Variants in DOCK2 observed in about 807,000 individuals in gnomAD.
DOCK2 encodes dedicator of cytokinesis protein 2.
A neutral mutation model predicts 248.9 loss-of-function variants in DOCK2; 87 were observed. The ratio of observed to expected loss-of-function variants is 0.35; its 90% confidence interval spans 0.29 to 0.42. The LOEUF (loss-of-function observed/expected upper bound fraction) is 0.42. DOCK2 is among the 10% of genes least tolerant of loss of function. The pLI, the probability that DOCK2 is intolerant of heterozygous loss-of-function variation, is 1.00. For synonymous variants in DOCK2, 805 were observed against 821.6 expected (o/e 0.98, Z 0.35); for missense variants, 1,747 against 2,300.2 (o/e 0.76, Z 4.92).
In DOCK2 at chr5:169,754,458, T is replaced by C. The variant is rs1764079937; in HGVS notation, c.2377-5247T>C. On this transcript the variant is annotated intron_variant, in intron 23 of 51. Coordinates refer to ENST00000520908, the MANE Select transcript of DOCK2 (RefSeq NM_004946.3). ...CCACATGATCACCTAATTAGCAAGA[T>C]AGCATTTTCCTGTTGGCCATTCTTG... Among the ~76,000 whole-genome samples, 3 of 152,170 alleles carry C rather than the reference T, an allele frequency of 2.0e-5. 1 individual carries two copies. The highest frequency in any genetic ancestry group is 4.1e-4 in the South Asian group (2 of 4,828).
intron 27 of DOCK2, among the ~76,000 whole-genome samples, chr5:169,845,479 G>T (rs1237778530): frequency 6.6e-6 from 1 of 152,154 alleles, no homozygotes; most frequent in Non-Finnish European, 1.5e-5. Context: ...CGTGCAGTGG[G>T]TACCCAAGTT....
chr5:169,857,875 A>G (rs543437746), intron 27 of DOCK2, among the ~76,000 whole-genome samples: 22 of 152,354 alleles, frequency 1.4e-4, no homozygotes, highest in African/African-American at 4.8e-4. Context: ...TCTCAATTAA[A>G]AAGATAAGTA....
At chr5:170,073,695 T>C (rs1420325782) in intron 46 of DOCK2, among the ~76,000 whole-genome samples, 2 of 152,214 alleles carry the variant, frequency 1.3e-5, no homozygotes, top group Non-Finnish European at 2.9e-5. Context: ...TTAAATTCTA[T>C]TGTAAATGGT....
chr5:169,692,809 C>A (rs141354865), intron 9 of DOCK2, among the ~76,000 whole-genome samples: 1 of 152,280 alleles, frequency 6.6e-6, no homozygotes, highest in Non-Finnish European at 1.5e-5. Flanking sequence ...CCTTGGTTTG[C>A]AGATGACTGT....
intron 27 of DOCK2, among the ~76,000 whole-genome samples, chr5:169,952,371 T>C (rs1776697440): frequency 6.6e-6 from 1 of 152,084 alleles, no homozygotes; most frequent in African/African-American, 2.4e-5. Flanking sequence ...TAACTCAATC[T>C]CCTGCTTGGT....
At chr5:169,775,355 G>A (rs576304914) in intron 25 of DOCK2, among the ~76,000 whole-genome samples, 2 of 152,310 alleles carry the variant, frequency 1.3e-5, no homozygotes, top group South Asian at 4.1e-4. Context: ...TCTGTGCCAT[G>A]GGTAAACAGG....
intron 27 of DOCK2, among the ~76,000 whole-genome samples, chr5:169,911,126 A>T (rs1035814273): frequency 5.9e-5 from 9 of 152,158 alleles, no homozygotes; most frequent in Non-Finnish European, 1.2e-4. Flanking sequence ...TTTCTTCATT[A>T]ATGTTTTTAT....
intron 1 of DOCK2, among the ~76,000 whole-genome samples, chr5:169,639,351 A>C (rs1757022331): frequency 6.6e-6 from 1 of 152,218 alleles, no homozygotes; most frequent in Non-Finnish European, 1.5e-5. Context: ...AAGGGCAGAA[A>C]AGAAGGAGGT....
intron 17 of DOCK2, 61 bp from the exon 18 acceptor site, chr5:169,713,967 G>A: frequency 5.3e-6 from 8 of 1,500,954 alleles, no homozygotes; most frequent in Admixed American, 2.1e-5. Flanking sequence ...TCTGCTGCAG[G>A]CTCTGTGTGG....
chr5:169,638,338 GT>G (rs1237273355), intron 1 of DOCK2, among the ~76,000 whole-genome samples: 1 of 152,122 alleles, frequency 6.6e-6, no homozygotes, highest in East Asian at 1.9e-4. Flanking sequence ...GCACTGTGGG[GT>G]CATTTTGATA....
chr5:169,840,184 G>A (rs1052609277), intron 26 of DOCK2, among the ~76,000 whole-genome samples: 4 of 152,176 alleles, frequency 2.6e-5, no homozygotes, highest in African/African-American at 7.2e-5. Context: ...GGCAAGGCAC[G>A]AGCAGGCGTC....
intron 26 of DOCK2, among the ~76,000 whole-genome samples, chr5:169,839,620 C>A (rs868864976): frequency 1.3e-5 from 2 of 152,174 alleles, no homozygotes; most frequent in East Asian, 3.8e-4. Context: ...CAAAAAGGAT[C>A]GGCAAATCCT....
chr5:169,720,298 G>A (rs1233915125), intron 22 of DOCK2, among the ~76,000 whole-genome samples: 1 of 152,188 alleles, frequency 6.6e-6, no homozygotes, highest in Non-Finnish European at 1.5e-5. Context: ...CAGCTTAAAA[G>A]TCAAGGATAT....
intron 27 of DOCK2, among the ~76,000 whole-genome samples, chr5:169,858,100 G>A (rs549491919): frequency 6.6e-6 from 1 of 152,276 alleles, no homozygotes; most frequent in Non-Finnish European, 1.5e-5. Context: ...TGAATCTAAT[G>A]TACTCAATAA....
intron 34 of DOCK2, among the ~76,000 whole-genome samples, chr5:170,031,389 G>T (rs1386219201): frequency 6.6e-6 from 1 of 152,206 alleles, no homozygotes; most frequent in African/African-American, 2.4e-5. Flanking sequence ...AAAATCAACT[G>T]CAGGGAGGAG....
chr5:169,868,835 C>T (rs370510101), intron 27 of DOCK2, among the ~76,000 whole-genome samples: 17 of 152,194 alleles, frequency 1.1e-4, no homozygotes, highest in Middle Eastern at 3.4e-3. Flanking sequence ...TAGAAAAGAC[C>T]GGGAGATGGA....
At position 169,668,687 on chromosome 5, in the gene DOCK2, A is replaced by G. The variant is rs1758864614; in HGVS notation, c.128-601A>G. ...AATTTGGATTTCTGCTCATTGATAC[A>G]TTTTTTAATATAATATTCCTGCAAA... On this transcript the variant is annotated intron_variant, in intron 2 of 51. Coordinates refer to ENST00000520908, the MANE Select transcript of DOCK2 (RefSeq NM_004946.3). Among the ~76,000 whole-genome samples, 3 of 152,142 alleles carry G rather than the reference A, an allele frequency of 2.0e-5. No homozygotes were observed. In the South Asian group the frequency reaches 6.2e-4, roughly 32 times the overall value.
At chr5:169,695,330 C>A in intron 9 of DOCK2, 1 of 165,798 alleles carries the variant, frequency 6.0e-6, no homozygotes, top group Non-Finnish European at 1.3e-5. Context: ...TACCTCAACC[C>A]AACTGATGGC....
chr5:169,667,003 T>C (rs958237624), intron 2 of DOCK2, among the ~76,000 whole-genome samples: 1 of 152,162 alleles, frequency 6.6e-6, no homozygotes, highest in African/African-American at 2.4e-5. Context: ...CTCTGAGAAT[T>C]AGGAAACCTA....
Sources: allele counts gnomAD v4.1 joint callset (sites outside exome capture counted in the v4.1 genomes callset), GRCh38; gene constraint gnomAD v4.1.1; transcripts MANE v1.5; gene names NCBI Gene and HGNC (gene_info 2026-07-23, HGNC 2026-07-21).